The following PRIMPOL variants were observed in gnomAD, a reference collection of about 807,000 sequenced individuals.
The protein encoded by PRIMPOL is DNA-directed primase/polymerase protein.
In PRIMPOL, 54 loss-of-function variants were observed where a neutral mutation model predicts 63.6. The observed-to-expected ratio is 0.85, with a 90% confidence interval of 0.68 to 1.07. The LOEUF (loss-of-function observed/expected upper bound fraction) is 1.07, where lower values mean the gene tolerates loss of function less well. Ranked by LOEUF, PRIMPOL falls within the 50% of genes least tolerant of loss-of-function variation. The probability of loss-of-function intolerance (pLI) is 0.00; values close to 1 mark genes in which losing one functional copy is unlikely to be tolerated. For synonymous variants in PRIMPOL, 197 were observed against 220.2 expected (o/e 0.89, Z 0.93); for missense variants, 610 against 648.3 (o/e 0.94, Z 0.64).
At chr4:184,664,468 A>G (rs550982901) in intron 5 of PRIMPOL, among the ~76,000 whole-genome samples, 1 of 152,348 alleles carries the variant, frequency 6.6e-6, no homozygotes, top group Admixed American at 6.5e-5. Context: ...AGTAATATCT[A>G]ATGTGGCTCC....
At position 184,659,403 on chromosome 4, in the gene PRIMPOL, A is replaced by G. The variant is rs74696256; in HGVS notation, c.244A>G (p.Thr82Ala). Residue 82 changes from threonine to alanine, a missense_variant, in exon 4 of 14, where the codon ACC (threonine) becomes GCC (alanine). Transcript: ENST00000314970. Reference protein sequence around the residue: ...GDGQRIYLVTTYAEFWFYYKS... With the variant: ...GDGQRIYLVTAYAEFWFYYKS... ...TGGACAACGTATTTACCTTGTGACA[A>G]CCTATGCTGAATTTTGGTTTTACTA... 5.0e-3 allele frequency: 8,015 copies of G among 1,613,878 alleles called. 345 individuals are homozygous for G. The African/African-American group carries it at 0.091, about 18-fold the overall frequency.
intron 8 of PRIMPOL, among the ~76,000 whole-genome samples, chr4:184,678,774 G>A (rs932035192): frequency 3.3e-5 from 5 of 151,784 alleles, no homozygotes; most frequent in African/African-American, 4.8e-5. Flanking sequence ...GTGATCTGCC[G>A]ACCTCAGCCT....
At chr4:184,668,500 C>G (rs1179898025) in intron 6 of PRIMPOL, among the ~76,000 whole-genome samples, 2 of 152,252 alleles carry the variant, frequency 1.3e-5, no homozygotes, top group Non-Finnish European at 2.9e-5. Flanking sequence ...TTCTGCCACC[C>G]TGCCCTTTGC....
intron 2 of PRIMPOL, among the ~76,000 whole-genome samples, chr4:184,653,115 AAGGT>A (rs1347007980): frequency 2.6e-5 from 4 of 151,606 alleles, no homozygotes; most frequent in African/African-American, 7.3e-5. Flanking sequence ...GGAAGGAAGG[AAGGT>A]AGGTAGGTGA....
At chr4:184,657,405 TA>T (rs528097124) in intron 3 of PRIMPOL, 85 bp downstream of exon 3, 3,978 of 946,866 alleles carry the variant, frequency 4.2e-3, no homozygotes, top group South Asian at 7.3e-3. Context: ...TTCAGTTCTT[TA>T]AAAAAAAAAG....
At chr4:184,681,963 C>T (rs2150137664) in intron 8 of PRIMPOL, among the ~76,000 whole-genome samples, 1 of 152,250 alleles carries the variant, frequency 6.6e-6, no homozygotes, top group East Asian at 1.9e-4. Context: ...CTTCAGCAGT[C>T]CTAGAGTCCC....
intron 11 of PRIMPOL, among the ~76,000 whole-genome samples, chr4:184,689,093 T>TGAGTGCAGTGTGATGGCCCAGGCTG (rs1757771076): frequency 6.6e-6 from 1 of 152,022 alleles, no homozygotes; most frequent in African/African-American, 2.4e-5. Flanking sequence ...CGCCCAGGCT[T>TGAGTGCAGTGTGATGGCCCAGGCTG]GAGTGCAGTG....
At chr4:184,687,771 T>C (rs958569564) in intron 11 of PRIMPOL, among the ~76,000 whole-genome samples, 4 of 152,114 alleles carry the variant, frequency 2.6e-5, no homozygotes, top group African/African-American at 7.2e-5. Flanking sequence ...TGCGCCACCA[T>C]GCCCAGCTAA....
chr4:184,685,335 C>A, intron 9 of PRIMPOL, 74 bp from the exon 10 acceptor site: 2 of 1,119,036 alleles, frequency 1.8e-6, no homozygotes, highest in South Asian at 1.3e-5. Flanking sequence ...TAATTGTGCT[C>A]AACAACATTT....
intron 2 of PRIMPOL, among the ~76,000 whole-genome samples, chr4:184,653,284 A>G (rs953821927): frequency 6.6e-6 from 1 of 152,316 alleles, no homozygotes; most frequent in South Asian, 2.1e-4. Flanking sequence ...AAGGCTGGGC[A>G]TAAACGCAGG....
At chr4:184,684,557 C>T (rs1756522379) in intron 9 of PRIMPOL, among the ~76,000 whole-genome samples, 1 of 152,130 alleles carries the variant, frequency 6.6e-6, no homozygotes, top group Non-Finnish European at 1.5e-5. Flanking sequence ...TACCTTCCAG[C>T]TAAAGGTCTC....
intron 7 of PRIMPOL, among the ~76,000 whole-genome samples, chr4:184,675,838 CAAAA>C (rs1409730744): frequency 1.3e-5 from 2 of 151,952 alleles, no homozygotes; most frequent in East Asian, 1.9e-4. Flanking sequence ...AACAAACAAA[CAAAA>C]AAACTCACAT....
chr4:184,689,944 G>T (rs1758054482), intron 11 of PRIMPOL, among the ~76,000 whole-genome samples: 1 of 152,168 alleles, frequency 6.6e-6, no homozygotes, highest in African/African-American at 2.4e-5. Context: ...GCACCTTCCT[G>T]TACAGTTTGG....
At chr4:184,689,446 C>CTTTTTTT (rs70962517) in intron 11 of PRIMPOL, among the ~76,000 whole-genome samples, 1 of 50,264 alleles carries the variant, frequency 2.0e-5, no homozygotes, top group African/African-American at 8.4e-5. Context: ...GTTAATGGTG[C>CTTTTTTT]TTTTTTTTTT....
Position 184,672,231 on chromosome 4 carries a change from T to C in PRIMPOL, c.615T>C (p.Asp205=). Residue 205 remains aspartate, a synonymous_variant, in exon 7 of 14, where the codon GAT becomes GAC. Transcript: ENST00000314970. The stretch of plus-strand genomic sequence containing the variant: ...TTGACTTGCTTGGCAGTGAAGATGA[T>C]GATAGCGCTCCAGAGACAACAGGCC... The part of the protein sequence containing the change: ...PALDLLGSED[D]DSAPETTGHG... The C allele has an allele frequency of 6.2e-7, 1 of 1,614,080 alleles. No homozygotes were observed. The highest frequency in any genetic ancestry group is 8.5e-7 in the Non-Finnish European group (1 of 1,180,026).
At chr4:184,672,022 G>C (rs940999729) in intron 6 of PRIMPOL, 151 bp from the exon 7 acceptor site, 1 of 721,870 alleles carries the variant, frequency 1.4e-6, no homozygotes, top group East Asian at 2.5e-5. Flanking sequence ...TTACAGGCGT[G>C]AGCCACTGTG....
intron 7 of PRIMPOL, among the ~76,000 whole-genome samples, chr4:184,677,880 T>G (rs1165515577): frequency 6.6e-6 from 1 of 152,218 alleles, no homozygotes; most frequent in East Asian, 1.9e-4. Flanking sequence ...TTCTAGATAT[T>G]TGTTGGTTTT....
intron 7 of PRIMPOL, among the ~76,000 whole-genome samples, chr4:184,677,261 G>A (rs1754348915): frequency 1.3e-5 from 2 of 151,816 alleles, no homozygotes; most frequent in South Asian, 4.2e-4. Flanking sequence ...TGCACCTGGC[G>A]TGGCTTTTAT....
At chr4:184,677,355 G>C (rs115584858) in intron 7 of PRIMPOL, among the ~76,000 whole-genome samples, 2,418 of 152,086 alleles carry the variant, frequency 0.016, 23 homozygotes, top group Middle Eastern at 0.031. Context: ...GTGGATATCC[G>C]GTTGGCTCAG....
Sources: gnomAD v4.1 joint callset for allele counts (sites outside exome capture counted in the v4.1 genomes callset) on GRCh38, gnomAD v4.1.1 for gene constraint, MANE v1.5 for transcripts, NCBI Gene and HGNC (gene_info 2026-07-23, HGNC 2026-07-21) for gene names.